Variants in MAL2 observed in about 807,000 individuals in gnomAD.
MAL2 encodes the protein protein MAL2.
A neutral mutation model predicts 18.1 loss-of-function variants in MAL2; 17 were observed. The ratio of observed to expected loss-of-function variants is 0.94; its 90% CI spans 0.64 to 1.41. The LOEUF is 1.41. Among genes scored for constraint, MAL2 ranks in the 40% most tolerant of loss-of-function variants. The pLI, the probability that MAL2 is intolerant of heterozygous loss-of-function variation, is 0.00. For missense variants in MAL2, 222 were observed against 231.9 expected, an observed-to-expected ratio of 0.96 and a Z score of 0.28; for synonymous variants, 102 against 102.3, an observed-to-expected ratio of 1.00 and a Z score of 0.02.
Position 119,208,539 on chromosome 8 carries a change from G to C in MAL2, c.67G>C (p.Val23Leu), listed in dbSNP as rs1243556754. The C allele has an allele frequency of 1.1e-5, 16 of 1,396,896 alleles. No homozygotes were observed. Among genetic ancestry groups the C allele is most frequent in the African/African-American group, 1.5e-5 (1 of 67,510 alleles). The allele number at this position is 1,396,896 out of a possible 1,614,324, so 86.5% of individuals were successfully genotyped here. ...NPAVSFPPPR[V>L]TLPAGPDILR... ...CGCCGTGTCCTTCCCGCCGCCCCGG[G>C]TCACCCTGCCCGCCGGCCCCGACAT... Residue 23 changes from valine to leucine, a missense_variant, in exon 1 of 4, where the codon GTC (valine) becomes CTC (leucine). Coordinates refer to ENST00000614891, the MANE Select transcript of MAL2 (RefSeq NM_052886.3). The surrounding 1 kb of genome is among the most constrained non-coding windows in gnomAD (Gnocchi z 4.3).
At chr8:119,225,281 C>A (rs1237760185) in intron 2 of MAL2, among the ~76,000 whole-genome samples, 1 of 152,090 alleles carries the variant, frequency 6.6e-6, no homozygotes, top group East Asian at 1.9e-4. Context: ...TCCCCCCACC[C>A]CACAACAGGC....
chr8:119,210,685 G>C (rs115760600), intron 1 of MAL2, among the ~76,000 whole-genome samples: 1,956 of 152,248 alleles, frequency 0.013, 48 homozygotes, highest in African/African-American at 0.045. Flanking sequence ...AGGGATTCCA[G>C]ACTCACAGAA....
intron 2 of MAL2, among the ~76,000 whole-genome samples, chr8:119,228,873 C>T (rs1026494918): frequency 3.9e-5 from 6 of 152,122 alleles, no homozygotes; most frequent in African/African-American, 1.4e-4. Flanking sequence ...TCATTTACTA[C>T]AGGTAAGTGG....
At chr8:119,237,086 A>G (rs1365769022) in intron 2 of MAL2, among the ~76,000 whole-genome samples, 1 of 152,214 alleles carries the variant, frequency 6.6e-6, no homozygotes, top group African/African-American at 2.4e-5. Flanking sequence ...AATAGACACA[A>G]TAAAAAATGA....
At chr8:119,236,966 G>A (rs1173209067) in intron 2 of MAL2, among the ~76,000 whole-genome samples, 1 of 150,812 alleles carries the variant, frequency 6.6e-6, no homozygotes, top group Non-Finnish European at 1.5e-5. Context: ...AGGAAATAGA[G>A]ACACAAAAAA....
intron 1 of MAL2, among the ~76,000 whole-genome samples, chr8:119,219,064 A>C (rs538456767): frequency 6.6e-6 from 1 of 152,284 alleles, no homozygotes; most frequent in Non-Finnish European, 1.5e-5. Flanking sequence ...TGTAAAGGTA[A>C]ATAATATTAG....
chr8:119,214,519 G>A lies in MAL2; in HGVS notation c.132+5915G>A, dbSNP rs145439561. Among the ~76,000 whole-genome samples, 124 of 152,256 alleles carry A rather than the reference G, an allele frequency of 8.1e-4. 1 individual carries two copies. The highest frequency in any genetic ancestry group is 1.4e-3 in the Non-Finnish European group (92 of 68,028). On this transcript the variant is annotated intron_variant, in intron 1 of 3. Coordinates refer to ENST00000614891, the MANE Select transcript of MAL2 (RefSeq NM_052886.3). ...CCAATATCAGGGCATTGGCACGCAG[G>A]AACAGCTTTAAACTAAAAGTGATAA...
Position 119,220,279 on chromosome 8 carries a change from A to G in MAL2, c.133-1308A>G, listed in dbSNP as rs145626418. Reference sequence around the variant, plus strand: ...ATCTGATCAGTTACCAACTATTATCATGTCTACTTCTAAATTTCACTCTAA... The same window carrying G: ...ATCTGATCAGTTACCAACTATTATCGTGTCTACTTCTAAATTTCACTCTAA... On this transcript the variant is annotated intron_variant, in intron 1 of 3. Coordinates refer to ENST00000614891, the MANE Select transcript of MAL2 (RefSeq NM_052886.3). Among the ~76,000 whole-genome samples, 213 of 152,274 alleles carry G rather than the reference A, an allele frequency of 1.4e-3. 1 individual carries two copies. The highest frequency in any genetic ancestry group is 4.8e-3 in the African/African-American group (199 of 41,562).
chr8:119,237,130 C>T (rs929088317), intron 2 of MAL2, among the ~76,000 whole-genome samples: 7 of 152,176 alleles, frequency 4.6e-5, no homozygotes, highest in Non-Finnish European at 8.8e-5. Context: ...CACAGAAATA[C>T]AAACTGCCAT....
chr8:119,208,624 C>G lies in MAL2; in HGVS notation c.132+20C>G, dbSNP rs746576859. 6 of 1,297,360 alleles carry G rather than the reference C, an allele frequency of 4.6e-6. No individual in the cohort carries two copies. In the African/African-American group the frequency reaches 7.7e-5, roughly 17 times the overall value. The allele number at this position is 1,297,360 out of a possible 1,614,324, so 80.4% of individuals were successfully genotyped here. A position where few individuals can be genotyped will look rare whatever the true frequency, so the allele number is the denominator to read the frequency against. On this transcript the variant is annotated intron_variant, in intron 1 of 3. Coordinates refer to ENST00000614891, the MANE Select transcript of MAL2 (RefSeq NM_052886.3). This position sits in a 1 kb window ranked among gnomAD's most constrained non-coding sequence, Gnocchi z 4.3. ...GAGATTGTAAGTGGGGCCGCCGGAG[C>G]GAGGGTCGCGCGGGGAGCGAGGACA...
intron 2 of MAL2, among the ~76,000 whole-genome samples, chr8:119,233,558 A>C (rs1482184124): frequency 6.6e-6 from 1 of 152,216 alleles, no homozygotes; most frequent in East Asian, 1.9e-4. Context: ...CTCTATGCAA[A>C]TAAACTAGAA....
chr8:119,237,639 C>T (rs1310461324), intron 2 of MAL2, among the ~76,000 whole-genome samples: 1 of 151,736 alleles, frequency 6.6e-6, no homozygotes, highest in African/African-American at 2.4e-5. Flanking sequence ...TAAATACATG[C>T]AAATCAATAA....
intron 2 of MAL2, among the ~76,000 whole-genome samples, chr8:119,235,652 T>A (rs1457958840): frequency 6.6e-6 from 1 of 151,682 alleles, no homozygotes; most frequent in Non-Finnish European, 1.5e-5. Context: ...TTCAACATTC[T>A]TAAAGAATTT....
At chr8:119,219,877 A>G (rs535881400) in intron 1 of MAL2, among the ~76,000 whole-genome samples, 5 of 152,228 alleles carry the variant, frequency 3.3e-5, no homozygotes, top group Middle Eastern at 3.4e-3. Flanking sequence ...ATCTCAGGAA[A>G]AATGTTGTAA....
At chr8:119,243,079 T>C (rs1225054487) in intron 3 of MAL2, among the ~76,000 whole-genome samples, 1 of 152,214 alleles carries the variant, frequency 6.6e-6, no homozygotes, top group Non-Finnish European at 1.5e-5. Flanking sequence ...GAACAGAACT[T>C]CATGCTGAAT....
rs1454425462 is a variant in MAL2, at chr8:119,232,515, C to T, written c.304-7650C>T. On this transcript the variant is annotated intron_variant, in intron 2 of 3. Coordinates refer to ENST00000614891, the MANE Select transcript of MAL2 (RefSeq NM_052886.3). The stretch of plus-strand genomic sequence containing the variant: ...TATGAACTGTAATAGTGTTATGCTT[C>T]ACATGAATGTCAGCAACATACAAAG... Among the ~76,000 whole-genome samples, 6 of 152,226 alleles carry T rather than the reference C, an allele frequency of 3.9e-5. No individual in the cohort carries two copies. The South Asian group carries it at 1.0e-3, about 26-fold the overall frequency.
intron 1 of MAL2, among the ~76,000 whole-genome samples, chr8:119,219,470 G>A (rs1350671304): frequency 6.6e-6 from 1 of 152,026 alleles, no homozygotes; most frequent in Non-Finnish European, 1.5e-5. Context: ...ATGAGCACTA[G>A]CTTGTTTACT....
chr8:119,238,726 T>C (rs1359783538), intron 2 of MAL2, among the ~76,000 whole-genome samples: 1 of 150,416 alleles, frequency 6.6e-6, no homozygotes, highest in Non-Finnish European at 1.5e-5. Context: ...TAGCCATATG[T>C]AGAAAGCTGA....
chr8:119,236,983 A>G (rs1817915967), intron 2 of MAL2, among the ~76,000 whole-genome samples: 1 of 151,668 alleles, frequency 6.6e-6, no homozygotes, highest in Non-Finnish European at 1.5e-5. Context: ...AAAACCCTTC[A>G]AAAAATCAGT....
Sources: allele counts gnomAD v4.1 joint callset (sites outside exome capture counted in the v4.1 genomes callset), GRCh38; gene constraint gnomAD v4.1.1; non-coding constraint Gnocchi (gnomAD v3.1); transcripts MANE v1.5; gene names NCBI Gene and HGNC (gene_info 2026-07-23, HGNC 2026-07-21).